WDR25: variants seen among roughly 807,000 people sequenced by gnomAD.
WDR25 encodes the protein WD repeat-containing protein 25.
WDR25 carries 35 observed loss-of-function variants against 47.7 expected under a neutral mutation model. That is an observed-to-expected ratio of 0.73 (90% CI 0.56 to 0.97). WDR25 has a LOEUF of 0.97. Ranked by LOEUF, WDR25 falls within the 50% of genes least tolerant of loss-of-function variation. The pLI is 0.00. For synonymous variants in WDR25, 248 were observed against 278.9 expected (o/e 0.89, Z 1.10); for missense variants, 634 against 704.7 (o/e 0.90, Z 1.14).
At chr14:100,501,822 A>G (rs1008290519) in intron 4 of WDR25, among the ~76,000 whole-genome samples, 3 of 152,174 alleles carry the variant, frequency 2.0e-5, no homozygotes, top group Non-Finnish European at 2.9e-5. Context: ...GAATGGGGGC[A>G]CTGAATGTGG....
intron 2 of WDR25, among the ~76,000 whole-genome samples, chr14:100,451,598 A>G (rs1899035081): frequency 6.6e-6 from 1 of 152,124 alleles, no homozygotes; most frequent in African/African-American, 2.4e-5. Flanking sequence ...CTTGATTTGG[A>G]AAGGTGCTGA....
At chr14:100,526,589 G>T (rs1340763463) in intron 5 of WDR25, among the ~76,000 whole-genome samples, 2 of 151,930 alleles carry the variant, frequency 1.3e-5, no homozygotes, top group East Asian at 3.8e-4. Context: ...GTTTGTAAAG[G>T]GTATAGCACA....
intron 2 of WDR25, among the ~76,000 whole-genome samples, chr14:100,441,801 G>A (rs1595091834): frequency 6.6e-6 from 1 of 152,328 alleles, no homozygotes; most frequent in African/African-American, 2.4e-5. Context: ...TAGTCAACAA[G>A]CATCGGTTCC....
chr14:100,520,101 AT>A (rs1323411524), intron 4 of WDR25, among the ~76,000 whole-genome samples: 21 of 149,660 alleles, frequency 1.4e-4, no homozygotes, highest in African/African-American at 5.1e-4. Context: ...TAGTGTATAT[AT>A]ATATATAGTC....
intron 2 of WDR25, 76 bp from the exon 3 acceptor site, chr14:100,467,945 C>A (rs7151597): frequency 6.3e-7 from 1 of 1,575,876 alleles, no homozygotes; most frequent in South Asian, 1.1e-5. Context: ...CTTTTTCTTT[C>A]TACAGTGGGG....
chr14:100,382,203 G>A (rs908177567), intron 2 of WDR25: 10 of 702,670 alleles, frequency 1.4e-5, no homozygotes, highest in Non-Finnish European at 2.3e-5. Context: ...GGCGGGAGCC[G>A]TGGACAAGTA....
chr14:100,383,821 G>A (rs902138523), intron 2 of WDR25, among the ~76,000 whole-genome samples: 20 of 152,266 alleles, frequency 1.3e-4, no homozygotes, highest in African/African-American at 3.4e-4. Context: ...CCCATGGAGG[G>A]GAAACTGTGA....
At chr14:100,377,977 A>T (rs1053256058) in intron 1 of WDR25, among the ~76,000 whole-genome samples, 1 of 151,584 alleles carries the variant, frequency 6.6e-6, no homozygotes, top group African/African-American at 2.4e-5. Context: ...GTTTTCTTGG[A>T]AGTCGGTCTA....
intron 2 of WDR25, chr14:100,455,502 C>G (rs1034439650): frequency 3.3e-5 from 5 of 151,538 alleles, no homozygotes; most frequent in African/African-American, 1.2e-4. Context: ...TAAATAATAT[C>G]AGGAAATGCC....
intron 3 of WDR25, among the ~76,000 whole-genome samples, chr14:100,480,606 T>A (rs1900166866): frequency 1.3e-5 from 2 of 152,224 alleles, no homozygotes; most frequent in South Asian, 4.1e-4. Flanking sequence ...TTTCCATTGT[T>A]ATGTGATTTT....
At chr14:100,462,966 CTT>C (rs761864923) in intron 2 of WDR25, among the ~76,000 whole-genome samples, 1 of 17,374 alleles carries the variant, frequency 5.8e-5, no homozygotes, top group Non-Finnish European at 8.3e-5. Context: ...TCCTCTCCCC[CTT>C]GCTCCTTCCT....
rs933266360 is a variant in WDR25, at chr14:100,392,405, G to C, written c.822+10659G>C. Among the ~76,000 whole-genome samples the C allele has an allele frequency of 3.3e-5, 5 of 151,706 alleles. No individual in the cohort carries two copies. Among genetic ancestry groups the C allele is most frequent in the African/African-American group, 1.2e-4 (5 of 41,256 alleles). ...GCTCTCCAAACTGTGTGATGAAAAC[G>C]TGATCCCAGGGGTCCAAGCCTCTGT... is the stretch of plus-strand genomic sequence containing the variant. On this transcript the variant is annotated intron_variant, in intron 2 of 6. Coordinates refer to ENST00000402312, the MANE Select transcript of WDR25 (RefSeq NM_001161476.3). This position sits in a 1 kb window ranked among gnomAD's most constrained non-coding sequence, Gnocchi z 4.2.
At position 100,498,945 on chromosome 14, in the gene WDR25, C is replaced by T. The variant is rs1900825307; in HGVS notation, c.1101+14821C>T. On this transcript the variant is annotated intron_variant, in intron 4 of 6. Transcript: ENST00000402312. The surrounding 1 kb of genome is among the most constrained non-coding windows in gnomAD (Gnocchi z 4.2). ...CCGATGAGAGGGCTTGTCGTGGGGTCCCCCTGTGACTTGGGTGCAAGCAGG... is the reference window on the plus strand; with the variant it reads ...CCGATGAGAGGGCTTGTCGTGGGGTTCCCCTGTGACTTGGGTGCAAGCAGG... Among the ~76,000 whole-genome samples the T allele has an allele frequency of 6.6e-6, 1 of 152,138 alleles. No homozygotes were observed. The highest frequency in any genetic ancestry group is 1.5e-5 in the Non-Finnish European group (1 of 68,024).
In WDR25 at chr14:100,425,959, C is replaced by A. The variant is rs1898155675; in HGVS notation, c.823-42062C>A. 6.6e-6 allele frequency among the ~76,000 whole-genome samples: 1 copy of A among 152,200 alleles called. No homozygotes were observed. Among genetic ancestry groups the A allele is most frequent in the Non-Finnish European group, 1.5e-5 (1 of 68,034 alleles). On this transcript the variant is annotated intron_variant, in intron 2 of 6. Coordinates refer to ENST00000402312, the MANE Select transcript of WDR25 (RefSeq NM_001161476.3). This position sits in a 1 kb window ranked among gnomAD's most constrained non-coding sequence, Gnocchi z 4.8. Reference sequence around the variant, plus strand: ...GAGGACGCCGTCCTGACATTTCCACCCCAAATGGGATTTGCATAAGCCCAA... The same window carrying A: ...GAGGACGCCGTCCTGACATTTCCACACCAAATGGGATTTGCATAAGCCCAA...
At chr14:100,383,297 G>A (rs777514113) in intron 2 of WDR25, among the ~76,000 whole-genome samples, 15 of 152,188 alleles carry the variant, frequency 9.9e-5, no homozygotes, top group Non-Finnish European at 1.6e-4. Context: ...AAGTGTGCGC[G>A]GAGGCTTCTG....
At chr14:100,442,987 G>T (rs573488353) in intron 2 of WDR25, among the ~76,000 whole-genome samples, 4 of 152,224 alleles carry the variant, frequency 2.6e-5, no homozygotes, top group African/African-American at 9.6e-5. Flanking sequence ...CCCGCTGACT[G>T]GTTCCCCACC....
chr14:100,452,307 C>T (rs1052489223), intron 2 of WDR25, among the ~76,000 whole-genome samples: 2 of 152,216 alleles, frequency 1.3e-5, no homozygotes, highest in South Asian at 4.1e-4. Context: ...TAGAAGCGAA[C>T]AAAACAGATA....
chr14:100,498,817 C>T lies in WDR25; in HGVS notation c.1101+14693C>T, dbSNP rs1376978064. Reference sequence around the variant, plus strand: ...CCCCTGATTTGGAATGGTTTCTACTCGAAGGGGTATCTTTCTCTAATAGGA... The same window carrying T: ...CCCCTGATTTGGAATGGTTTCTACTTGAAGGGGTATCTTTCTCTAATAGGA... On this transcript the variant is annotated intron_variant, in intron 4 of 6. Transcript: ENST00000402312. This position sits in a 1 kb window ranked among gnomAD's most constrained non-coding sequence, Gnocchi z 4.2. Among the ~76,000 whole-genome samples, 2 of 152,202 alleles carry T rather than the reference C, an allele frequency of 1.3e-5. No homozygotes were observed. Among genetic ancestry groups the T allele is most frequent in the Non-Finnish European group, 2.9e-5 (2 of 68,040 alleles).
Position 100,498,038 on chromosome 14 carries a change from A to G in WDR25, c.1101+13914A>G, listed in dbSNP as rs574889318. Among the ~76,000 whole-genome samples, 3 of 152,354 alleles carry G rather than the reference A, an allele frequency of 2.0e-5. No individual in the cohort carries two copies. Among genetic ancestry groups the G allele is most frequent in the South Asian group, 2.1e-4 (1 of 4,826 alleles). On this transcript the variant is annotated intron_variant, in intron 4 of 6. Transcript: ENST00000402312. The surrounding 1 kb of genome is among the most constrained non-coding windows in gnomAD (Gnocchi z 4.2). ...GTGCCAACCTCCATGGACCTGCAGT[A>G]TAACTCTGCAAAGATTGTATGACTT...
Sources: allele counts gnomAD v4.1 joint callset (sites outside exome capture counted in the v4.1 genomes callset), GRCh38; gene constraint gnomAD v4.1.1; non-coding constraint Gnocchi (gnomAD v3.1); transcripts MANE v1.5; gene names NCBI Gene and HGNC (gene_info 2026-07-23, HGNC 2026-07-21).